The following ATOX1 variants were observed in gnomAD, a reference collection of about 807,000 sequenced individuals.
The protein encoded by ATOX1 is antioxidant 1 copper chaperone.
A neutral mutation model predicts 7.3 loss-of-function variants in ATOX1; 4 were observed. That is an observed-to-expected ratio of 0.55 (90% CI 0.27 to 1.25). ATOX1 has a LOEUF of 1.25. Ranked by LOEUF, ATOX1 falls within the 50% of genes most tolerant of loss-of-function variation. The pLI, the probability that ATOX1 is intolerant of heterozygous loss-of-function variation, is 0.12. For synonymous variants in ATOX1, 25 were observed against 28.7 expected (o/e 0.87, Z 0.41); for missense variants, 68 against 81.6 (o/e 0.83, Z 0.64).
chr5:151,749,327 A>C (rs1761914753), intron 2 of ATOX1, among the ~76,000 whole-genome samples: 1 of 152,010 alleles, frequency 6.6e-6, no homozygotes, highest in African/African-American at 2.4e-5. Context: ...CTCTACTAAA[A>C]ATACAAAATT....
At chr5:151,748,145 C>A (rs756650821) in intron 2 of ATOX1, among the ~76,000 whole-genome samples, 4 of 152,204 alleles carry the variant, frequency 2.6e-5, no homozygotes, top group African/African-American at 4.8e-5. Context: ...AATCGCCCTC[C>A]TAAATGGCTA....
intron 2 of ATOX1, among the ~76,000 whole-genome samples, chr5:151,748,489 C>T (rs1761905337): frequency 6.6e-6 from 1 of 152,114 alleles, no homozygotes; most frequent in South Asian, 2.1e-4. Context: ...CAAGAGGCCA[C>T]CCAAGCAGGG....
chr5:151,746,552 C>T, intron 2 of ATOX1, 103 bp from the exon 3 acceptor site: 1 of 1,493,942 alleles, frequency 6.7e-7, no homozygotes, highest in Non-Finnish European at 9.1e-7. Context: ...ACCACCCTTG[C>T]CCTTTCCTCT....
intron 2 of ATOX1, 37 bp downstream of exon 2, chr5:151,751,667 T>C (rs758184590): frequency 1.3e-5 from 20 of 1,576,080 alleles, no homozygotes; most frequent in Non-Finnish European, 1.6e-5. Context: ...CATCTGAACA[T>C]GGCATAAGTG....
At chr5:151,757,075 A>G (rs1762027603) in intron 1 of ATOX1, among the ~76,000 whole-genome samples, 1 of 152,032 alleles carries the variant, frequency 6.6e-6, no homozygotes, top group African/African-American at 2.4e-5. Flanking sequence ...CTCTCAGGTA[A>G]CACACTCTTC....
intron 2 of ATOX1, among the ~76,000 whole-genome samples, chr5:151,750,725 T>C (rs1326522985): frequency 1.3e-5 from 2 of 148,898 alleles, no homozygotes; most frequent in African/African-American, 4.9e-5. Flanking sequence ...AGGCTCACTG[T>C]GGCCTTAACC....
chr5:151,757,702 T>C (rs574594238), intron 1 of ATOX1, among the ~76,000 whole-genome samples: 2 of 152,274 alleles, frequency 1.3e-5, no homozygotes, highest in African/African-American at 4.8e-5. Context: ...GTGTGACTGC[T>C]TTTGCCTGGC....
chr5:151,756,273 C>CT (rs750118861), intron 1 of ATOX1, among the ~76,000 whole-genome samples: 5 of 151,730 alleles, frequency 3.3e-5, no homozygotes, highest in Non-Finnish European at 7.4e-5. Context: ...GATGAGGAAA[C>CT]TGAGATTTAG....
At chr5:151,752,243 C>T (rs1306102528) in intron 1 of ATOX1, 1 of 702,428 alleles carries the variant, frequency 1.4e-6, no homozygotes, top group African/African-American at 1.7e-5. Context: ...GCAAAAACTA[C>T]AGGTTCTGGT....
intron 1 of ATOX1, among the ~76,000 whole-genome samples, chr5:151,754,553 G>C (rs2113185712): frequency 6.6e-6 from 1 of 152,046 alleles, no homozygotes; most frequent in Non-Finnish European, 1.5e-5. Flanking sequence ...TTTGAGACTA[G>C]CCTGGGCAAT....
At chr5:151,752,838 G>C (rs1761968595) in intron 1 of ATOX1, among the ~76,000 whole-genome samples, 1 of 152,048 alleles carries the variant, frequency 6.6e-6, no homozygotes, top group African/African-American at 2.4e-5. Context: ...TGAATGGGAT[G>C]AACACAGGAT....
At chr5:151,752,077 C>A in intron 1 of ATOX1, 1 of 599,748 alleles carries the variant, frequency 1.7e-6, no homozygotes. Context: ...TTTCCCAGTC[C>A]TACCTTCAAA....
chr5:151,757,385 C>G (rs1029543397), intron 1 of ATOX1, among the ~76,000 whole-genome samples: 1 of 152,244 alleles, frequency 6.6e-6, no homozygotes, highest in African/African-American at 2.4e-5. Context: ...CACAGGCTGA[C>G]TTGCCCAACT....
intron 1 of ATOX1, chr5:151,752,365 G>C (rs1761963249): frequency 1.4e-6 from 1 of 698,024 alleles, no homozygotes. Context: ...GGAAAGAAAG[G>C]ATTGCCTGGG....
intron 1 of ATOX1, among the ~76,000 whole-genome samples, chr5:151,756,428 C>CTTCTCTTCT (rs1554078639): frequency 1.0e-4 from 15 of 150,672 alleles, no homozygotes; most frequent in Admixed American, 2.7e-4. Flanking sequence ...CTTCTCTTCT[C>CTTCTCTTCT]TTCTTTCTTT....
At chr5:151,749,237 G>C (rs1179079597) in intron 2 of ATOX1, among the ~76,000 whole-genome samples, 1 of 152,164 alleles carries the variant, frequency 6.6e-6, no homozygotes, top group African/African-American at 2.4e-5. Flanking sequence ...TGTAATCCCA[G>C]CACTTTGGGG....
In ATOX1 at chr5:151,746,678, C is replaced by T. The variant is rs62377911; in HGVS notation, c.83-229G>A. 9.7e-3 allele frequency: 4,250 copies of T among 440,242 alleles called. 59 individuals are homozygous for T. Among genetic ancestry groups the T allele is most frequent in the Non-Finnish European group, 0.011 (2,739 of 242,356 alleles). The allele number at this position is 440,242 out of a possible 1,614,324, so 27.3% of individuals were successfully genotyped here. The stretch of plus-strand genomic sequence containing the variant: ...TGTGTATTTTTTTTATAACTCTATT[C>T]CTGAACATACAAAAACAGGCTGTGA... On this transcript the variant is annotated intron_variant, in intron 2 of 3. Transcript: ENST00000313115.
intron 2 of ATOX1, among the ~76,000 whole-genome samples, chr5:151,750,286 G>A (rs1770932597): frequency 2.0e-5 from 3 of 152,088 alleles, no homozygotes; most frequent in Admixed American, 6.6e-5. Context: ...GGCCAGGTGC[G>A]GTGGCTCATG....
At chr5:151,744,582 G>C (rs1394321036) in intron 3 of ATOX1, 7 of 152,178 alleles carry the variant, frequency 4.6e-5, no homozygotes, top group Admixed American at 1.3e-4. Flanking sequence ...TCTAATCCAA[G>C]ATGTGTGCAT....
Sources: gnomAD v4.1 joint callset for allele counts (sites outside exome capture counted in the v4.1 genomes callset) on GRCh38, gnomAD v4.1.1 for gene constraint, MANE v1.5 for transcripts, NCBI Gene and HGNC (gene_info 2026-07-23, HGNC 2026-07-21) for gene names.